Variants in STPG2 observed in about 807,000 individuals in gnomAD.
The protein encoded by STPG2 is sperm tail PG-rich repeat containing 2.
STPG2 carries 56 observed loss-of-function variants against 54.2 expected under a neutral mutation model. The observed-to-expected ratio is 1.03, with a 90% CI of 0.83 to 1.29. The LOEUF is 1.29. Ranked by LOEUF, STPG2 falls within the 50% of genes most tolerant of loss-of-function variation. STPG2 has a pLI of 0.00. For synonymous variants in STPG2, 200 were observed against 181.8 expected, an observed-to-expected ratio of 1.10 and a Z score of -0.81; for missense variants, 596 against 544.9, an observed-to-expected ratio of 1.09 and a Z score of -0.93.
At chr4:98,050,080 A>G (rs1737269428) in intron 5 of STPG2, among the ~76,000 whole-genome samples, 1 of 152,202 alleles carries the variant, frequency 6.6e-6, no homozygotes, top group Non-Finnish European at 1.5e-5. Context: ...ATTAAGAACT[A>G]TATCAACCAA....
At chr4:97,881,467 CT>C (rs1336822770) in intron 8 of STPG2, among the ~76,000 whole-genome samples, 1 of 152,034 alleles carries the variant, frequency 6.6e-6, no homozygotes, top group African/African-American at 2.4e-5. Context: ...GGCTAATATT[CT>C]TTAAGGAAGT....
At chr4:98,099,889 C>T (rs914323664) in intron 5 of STPG2, among the ~76,000 whole-genome samples, 6 of 151,968 alleles carry the variant, frequency 3.9e-5, no homozygotes, top group African/African-American at 1.5e-4. Context: ...AAAATAACTA[C>T]AAGAGTATAA....
chr4:97,640,450 ATTAC>A (rs1721728631), intron 10 of STPG2, among the ~76,000 whole-genome samples: 1 of 151,978 alleles, frequency 6.6e-6, no homozygotes, highest in Non-Finnish European at 1.5e-5. Context: ...ACAATAAGGA[ATTAC>A]TTAATAAATA....
intron 9 of STPG2, among the ~76,000 whole-genome samples, chr4:97,733,450 G>C (rs1004285698): frequency 2.0e-5 from 3 of 151,786 alleles, no homozygotes; most frequent in African/African-American, 7.3e-5. Context: ...GGGAGGGTGG[G>C]AGAGGAATAG....
At chr4:97,784,459 T>C (rs576950423) in intron 9 of STPG2, among the ~76,000 whole-genome samples, 1 of 152,176 alleles carries the variant, frequency 6.6e-6, no homozygotes, top group Admixed American at 6.6e-5. Flanking sequence ...TGCTGTGATA[T>C]TGAATATGGG....
At chr4:97,819,150 T>C (rs915699171) in intron 9 of STPG2, among the ~76,000 whole-genome samples, 3 of 151,902 alleles carry the variant, frequency 2.0e-5, no homozygotes, top group Admixed American at 6.6e-5. Context: ...CTCAGAATTA[T>C]CCTGCATTTT....
chr4:97,990,990 T>C (rs755969534), intron 5 of STPG2, among the ~76,000 whole-genome samples: 7 of 152,122 alleles, frequency 4.6e-5, no homozygotes, highest in Non-Finnish European at 1.0e-4. Flanking sequence ...AGTGGTGATT[T>C]CTGAGATTTT....
At chr4:97,977,457 C>T (rs1734536605) in intron 6 of STPG2, among the ~76,000 whole-genome samples, 1 of 152,140 alleles carries the variant, frequency 6.6e-6, no homozygotes, top group Non-Finnish European at 1.5e-5. Context: ...GCCTTTGCAC[C>T]TGAATAAACT....
intron 5 of STPG2, among the ~76,000 whole-genome samples, chr4:98,027,676 A>C (rs985861698): frequency 6.6e-6 from 1 of 152,180 alleles, no homozygotes; most frequent in Non-Finnish European, 1.5e-5. Flanking sequence ...AGCAATCTCA[A>C]AACCCTGTAA....
chr4:98,124,694 T>C (rs779364573), intron 3 of STPG2, among the ~76,000 whole-genome samples: 2 of 152,210 alleles, frequency 1.3e-5, no homozygotes, highest in Non-Finnish European at 1.5e-5. Flanking sequence ...TGGGGTTCTC[T>C]GGATTTCCTG....
At chr4:97,509,611 C>T (rs1365874068) in intron 4 of STPG2, among the ~76,000 whole-genome samples, 1 of 151,938 alleles carries the variant, frequency 6.6e-6, no homozygotes, top group Admixed American at 6.6e-5. Context: ...GGTGTTAACA[C>T]TAGAAAGTTA....
chr4:97,935,536 C>G (rs189336752), intron 8 of STPG2, among the ~76,000 whole-genome samples: 1 of 152,172 alleles, frequency 6.6e-6, no homozygotes, highest in Non-Finnish European at 1.5e-5. Flanking sequence ...AAGTTTCCCT[C>G]TTAACACTGC....
chr4:97,659,374 C>T (rs1048128192), intron 10 of STPG2, among the ~76,000 whole-genome samples: 2 of 152,184 alleles, frequency 1.3e-5, no homozygotes, highest in Admixed American at 6.5e-5. Flanking sequence ...GATAGAATTA[C>T]AGCTTAATTC....
intron 5 of STPG2, among the ~76,000 whole-genome samples, chr4:98,036,976 A>T (rs1387693903): frequency 1.3e-5 from 2 of 152,142 alleles, no homozygotes; most frequent in African/African-American, 4.8e-5. Flanking sequence ...AACTAGAATT[A>T]GCAAAATTAA....
At chr4:97,560,752 A>C (rs1367837362) in intron 10 of STPG2, among the ~76,000 whole-genome samples, 1 of 152,230 alleles carries the variant, frequency 6.6e-6, no homozygotes, top group Non-Finnish European at 1.5e-5. Flanking sequence ...ACAACATAGT[A>C]AAGAAGATCA....
intron 9 of STPG2, among the ~76,000 whole-genome samples, chr4:97,817,579 G>T (rs1363208201): frequency 3.3e-5 from 5 of 151,898 alleles, no homozygotes; most frequent in African/African-American, 4.8e-5. Context: ...TACACTGGCT[G>T]CTTCCCCATT....
At position 97,903,932 on chromosome 4, in the gene STPG2, C is replaced by T. The variant is rs191501180; in HGVS notation, c.1044+39965G>A. Among the ~76,000 whole-genome samples, 3 of 152,340 alleles carry T rather than the reference C, an allele frequency of 2.0e-5. No homozygotes were observed. In the East Asian group the frequency reaches 5.8e-4, roughly 29 times the overall value. On this transcript the variant is annotated intron_variant, in intron 8 of 10. Transcript: ENST00000295268. The stretch of plus-strand genomic sequence containing the variant: ...CGCACCACGAGATTATATTCCGCAC[C>T]TGGCTCAGAGAGTCCTACGCCCACA...
At chr4:97,699,503 A>C (rs892455396) in intron 10 of STPG2, among the ~76,000 whole-genome samples, 45 of 152,310 alleles carry the variant, frequency 3.0e-4, no homozygotes, top group African/African-American at 1.1e-3. Context: ...GCTTCTTCCA[A>C]GTCCCTGACC....
At chr4:97,819,751 ATTATT>A (rs1205309298) in intron 9 of STPG2, among the ~76,000 whole-genome samples, 5 of 152,086 alleles carry the variant, frequency 3.3e-5, no homozygotes, top group African/African-American at 1.2e-4. Context: ...TTTAAATTAA[ATTATT>A]TAATTTTATT....
Sources: allele counts gnomAD v4.1 joint callset (sites outside exome capture counted in the v4.1 genomes callset), GRCh38; gene constraint gnomAD v4.1.1; transcripts MANE v1.5; gene names NCBI Gene and HGNC (gene_info 2026-07-23, HGNC 2026-07-21).